Variants in BCL7B observed in about 807,000 individuals in gnomAD.
BCL7B encodes the protein B-cell CLL/lymphoma 7 protein family member B.
BCL7B carries 11 observed loss-of-function variants against 26.5 expected under a neutral mutation model. That is an observed-to-expected ratio of 0.42 (90% CI 0.26 to 0.69). The LOEUF (loss-of-function observed/expected upper bound fraction) is 0.69, where lower values mean the gene tolerates loss of function less well. BCL7B is among the 30% of genes least tolerant of loss of function. BCL7B has a pLI of 0.28. For missense variants in BCL7B, 215 were observed against 264.4 expected (o/e 0.81, Z 1.30); for synonymous variants, 111 against 107.9 (o/e 1.03, Z -0.18).
intron 1 of BCL7B, among the ~76,000 whole-genome samples, chr7:73,555,231 AC>A (rs1792317594): frequency 6.6e-6 from 1 of 151,962 alleles, no homozygotes; most frequent in Admixed American, 6.6e-5. Context: ...ACATGGTGAA[AC>A]CCGGTCTCCA....
intron 2 of BCL7B, among the ~76,000 whole-genome samples, chr7:73,544,974 G>C (rs370154122): frequency 6.6e-6 from 1 of 151,836 alleles, no homozygotes; most frequent in African/African-American, 2.4e-5. Flanking sequence ...TGGGAGGATC[G>C]CTTGAGCCTG....
intron 1 of BCL7B, among the ~76,000 whole-genome samples, chr7:73,553,992 G>A (rs1792271635): frequency 6.9e-6 from 1 of 144,622 alleles, no homozygotes; most frequent in Non-Finnish European, 1.5e-5. Flanking sequence ...TTTTTTTTGA[G>A]ATAGGGTCTC....
Position 73,537,172 on chromosome 7 carries a change from G to A in BCL7B, c.*126C>T. On this transcript the variant is annotated 3_prime_UTR_variant, in exon 6 of 6. Coordinates refer to ENST00000223368, the MANE Select transcript of BCL7B (RefSeq NM_001707.4). ...CCCCAAGTCCTACGCCAGCCTTCCA[G>A]CCCGGAAGGCTCATGTGTGCAGGCT... 2 of 831,802 alleles carry A rather than the reference G, an allele frequency of 2.4e-6. No individual in the cohort carries two copies. The highest frequency in any genetic ancestry group is 1.7e-5 in the South Asian group (1 of 60,370). The allele number at this position is 831,802 out of a possible 1,614,324, so 51.5% of individuals were successfully genotyped here.
chr7:73,546,667 CAA>C (rs1205952479), intron 2 of BCL7B, among the ~76,000 whole-genome samples: 1 of 116,332 alleles, frequency 8.6e-6, no homozygotes. Flanking sequence ...GACTCTGTCT[CAA>C]AAAAAAAAAA....
intron 1 of BCL7B, among the ~76,000 whole-genome samples, chr7:73,555,910 C>G (rs1427886715): frequency 6.6e-6 from 1 of 152,054 alleles, no homozygotes; most frequent in African/African-American, 2.4e-5. Context: ...CTCCGCTACT[C>G]GGAAGAGAGA....
Position 73,538,032 on chromosome 7 carries a change from C to A in BCL7B, c.437-19G>T. On this transcript the variant is annotated intron_variant, in intron 4 of 5. Coordinates refer to ENST00000223368, the MANE Select transcript of BCL7B (RefSeq NM_001707.4). ...GAGGGCTCTGAAAAGGCAGTAGGGT[C>A]GGCCTGAGGGCAGGGCTCCCCTGAG... 2 of 1,566,478 alleles carry A rather than the reference C, an allele frequency of 1.3e-6. No homozygotes were observed. Among genetic ancestry groups the A allele is most frequent in the Non-Finnish European group, 1.7e-6 (2 of 1,152,664 alleles).
Position 73,537,986 on chromosome 7 carries a change from G to C in BCL7B, c.464C>G (p.Ala155Gly). The C allele has an allele frequency of 3.1e-6, 5 of 1,606,572 alleles. No homozygotes were observed. Among genetic ancestry groups the C allele is most frequent in the Non-Finnish European group, 4.3e-6 (5 of 1,176,382 alleles). ...CTTGGTGAGGGTAGGAGGTTCATCA[G>C]CAACTTCCGAGGAGGGCAGGGAGGG... Reference protein sequence around the residue: ...EEPSLPSSEVADEPPTLTKEE... With the variant: ...EEPSLPSSEVGDEPPTLTKEE... Residue 155 changes from alanine (A) to glycine (G), a missense_variant, in exon 5 of 6, where the codon GCT (alanine) becomes GGT (glycine). Coordinates refer to ENST00000223368, the MANE Select transcript of BCL7B (RefSeq NM_001707.4).
At chr7:73,549,799 C>A (rs971819922) in intron 2 of BCL7B, among the ~76,000 whole-genome samples, 1 of 152,192 alleles carries the variant, frequency 6.6e-6, no homozygotes, top group Non-Finnish European at 1.5e-5. Context: ...CACTGCACTC[C>A]AGCTTCGGTG....
Position 73,557,647 on chromosome 7 carries a change from C to T in BCL7B, c.-69G>A, listed in dbSNP as rs1483682912. On this transcript the variant is annotated 5_prime_UTR_variant, in exon 1 of 6. Transcript: ENST00000223368. ...CACCGGGGATCGCGCGCCTCACGCG[C>T]CGCCGCCCGCCCGCCGCCGCCGCAG... 2 of 961,724 alleles carry T rather than the reference C, an allele frequency of 2.1e-6. No homozygotes were observed. Among genetic ancestry groups the T allele is most frequent in the Non-Finnish European group, 2.6e-6 (2 of 769,912 alleles). 59.6% of individuals were successfully genotyped at this position (961,724 alleles called of 1,614,324 possible). A position where few individuals can be genotyped will look rare whatever the true frequency, so the allele number is the denominator to read the frequency against.
intron 2 of BCL7B, among the ~76,000 whole-genome samples, chr7:73,545,848 C>T (rs886598825): frequency 3.9e-5 from 6 of 152,064 alleles, no homozygotes; most frequent in African/African-American, 1.4e-4. Context: ...GAAAGGAAAA[C>T]TGGCCGGGCG....
intron 2 of BCL7B, among the ~76,000 whole-genome samples, chr7:73,549,806 G>T (rs781860035): frequency 1.3e-5 from 2 of 152,126 alleles, no homozygotes; most frequent in African/African-American, 4.8e-5. Flanking sequence ...CTCCAGCTTC[G>T]GTGACATAGT....
At chr7:73,540,232 T>C (rs1554582679) in intron 3 of BCL7B, 180 bp from the exon 4 acceptor site, 1 of 636,192 alleles carries the variant, frequency 1.6e-6, no homozygotes, top group Non-Finnish European at 2.7e-6. Context: ...CCAGAATCTT[T>C]ATGTTTATGC....
At chr7:73,557,206 G>A (rs969655124) in intron 1 of BCL7B, 15 of 1,049,372 alleles carry the variant, frequency 1.4e-5, no homozygotes, top group Non-Finnish European at 1.7e-5. Context: ...ACCGACGCCA[G>A]GCAGCTCCAG....
intron 2 of BCL7B, among the ~76,000 whole-genome samples, chr7:73,544,862 C>T (rs1017813523): frequency 6.6e-6 from 1 of 151,516 alleles, no homozygotes; most frequent in African/African-American, 2.4e-5. Flanking sequence ...AGTTTGAGAC[C>T]AGCCTGGGCA....
At chr7:73,556,741 C>T (rs1241318717) in intron 1 of BCL7B, among the ~76,000 whole-genome samples, 3 of 152,210 alleles carry the variant, frequency 2.0e-5, no homozygotes, top group Non-Finnish European at 2.9e-5. Context: ...CCCACCACAG[C>T]CTCCCAAGTA....
chr7:73,543,045 G>T, intron 3 of BCL7B: 1 of 285,592 alleles, frequency 3.5e-6, no homozygotes, highest in South Asian at 3.1e-5. Context: ...CTGAGCCTCA[G>T]TTTCCTTAAC....
chr7:73,552,025 G>A, intron 2 of BCL7B, 142 bp downstream of exon 2: 1 of 608,342 alleles, frequency 1.6e-6, no homozygotes, highest in Non-Finnish European at 2.8e-6. Context: ...CCCAGGAGGT[G>A]GAGGTTGCAG....
intron 3 of BCL7B, among the ~76,000 whole-genome samples, chr7:73,540,831 A>AAC (rs1791739406): frequency 8.2e-6 from 1 of 122,474 alleles, no homozygotes; most frequent in Non-Finnish European, 1.8e-5. Context: ...CTCTGTCTCA[A>AAC]AAAAAAAAAA....
At chr7:73,538,590 G>A (rs552166145) in intron 4 of BCL7B, among the ~76,000 whole-genome samples, 1 of 152,022 alleles carries the variant, frequency 6.6e-6, no homozygotes, top group Admixed American at 6.6e-5. Flanking sequence ...GAGGTGGGAG[G>A]ATCACTTGAA....
Sources: allele counts gnomAD v4.1 joint callset (sites outside exome capture counted in the v4.1 genomes callset), GRCh38; gene constraint gnomAD v4.1.1; transcripts MANE v1.5; gene names NCBI Gene and HGNC (gene_info 2026-07-23, HGNC 2026-07-21).